The following SMARCAL1 variants were observed in gnomAD, a reference collection of about 807,000 sequenced individuals.
SMARCAL1 encodes the protein SNF2 related chromatin remodeling annealing helicase 1, also known as ATP-driven annealing helicase.
A neutral mutation model predicts 94.5 loss-of-function variants in SMARCAL1; 58 were observed. That is an observed-to-expected ratio of 0.61 (90% CI 0.50 to 0.76). SMARCAL1 has a LOEUF of 0.76. SMARCAL1 is among the 30% of genes least tolerant of loss of function. The pLI, the probability that SMARCAL1 is intolerant of heterozygous loss-of-function variation, is 0.00. For missense variants in SMARCAL1, 1,051 were observed against 1,177.9 expected (o/e 0.89, Z 1.58); for synonymous variants, 422 against 455.1 (o/e 0.93, Z 0.93).
chr2:216,447,586 G>A (rs150338341), intron 11 of SMARCAL1, among the ~76,000 whole-genome samples: 7 of 152,100 alleles, frequency 4.6e-5, no homozygotes, highest in Middle Eastern at 3.4e-3. Context: ...GCCCCAGGCA[G>A]AGGGAAGAAG....
intron 6 of SMARCAL1, among the ~76,000 whole-genome samples, chr2:216,426,805 C>G (rs921705304): frequency 7.9e-5 from 12 of 152,162 alleles, no homozygotes; most frequent in African/African-American, 2.9e-4. Flanking sequence ...GGGGAATGCG[C>G]ACCTCCTTCC....
chr2:216,423,263 A>G (rs904689884), intron 5 of SMARCAL1, among the ~76,000 whole-genome samples: 8 of 152,166 alleles, frequency 5.3e-5, no homozygotes, highest in Non-Finnish European at 8.8e-5. Flanking sequence ...GGTGCCACTG[A>G]GTGTTGGCAC....
chr2:216,433,618 G>C (rs1401256553), intron 8 of SMARCAL1, among the ~76,000 whole-genome samples: 2 of 152,132 alleles, frequency 1.3e-5, no homozygotes, highest in East Asian at 3.9e-4. Flanking sequence ...GATGTTCACT[G>C]TCTGCCAGGT....
At chr2:216,458,755 C>G (rs969176354) in intron 12 of SMARCAL1, among the ~76,000 whole-genome samples, 3 of 152,158 alleles carry the variant, frequency 2.0e-5, no homozygotes, top group African/African-American at 4.8e-5. Context: ...TGGAAGCATT[C>G]CCTTTGAAAA....
At chr2:216,433,941 A>C (rs1312179413) in intron 8 of SMARCAL1, among the ~76,000 whole-genome samples, 3 of 150,984 alleles carry the variant, frequency 2.0e-5, no homozygotes, top group Non-Finnish European at 3.0e-5. Flanking sequence ...AAAACACTAA[A>C]AAATGTGCAC....
At chr2:216,428,506 G>A (rs1247751470) in intron 6 of SMARCAL1, 90 bp from the exon 7 acceptor site, 1 of 1,313,452 alleles carries the variant, frequency 7.6e-7, no homozygotes, top group Non-Finnish European at 1.1e-6. Flanking sequence ...AGCATCACTG[G>A]AAGGAAATAT....
chr2:216,480,264 A>G (rs1226743490), intron 17 of SMARCAL1, among the ~76,000 whole-genome samples: 1 of 152,188 alleles, frequency 6.6e-6, no homozygotes, highest in Non-Finnish European at 1.5e-5. Flanking sequence ...CAACTACTAG[A>G]AAAAGAAAAT....
intron 10 of SMARCAL1, among the ~76,000 whole-genome samples, chr2:216,442,604 C>T (rs114627585): frequency 0.013 from 1,943 of 152,220 alleles, 21 homozygotes; most frequent in Non-Finnish European, 0.019. Context: ...TGTTTCCTTT[C>T]TGCCTCCTTA....
At chr2:216,440,779 TCTGTTGTTGGGGGG>T (rs1302460480) in intron 10 of SMARCAL1, among the ~76,000 whole-genome samples, 1 of 152,174 alleles carries the variant, frequency 6.6e-6, no homozygotes, top group African/African-American at 2.4e-5. Flanking sequence ...GCTGGATGAC[TCTGTTGTTGGGGGG>T]CTGTTGTGTG....
chr2:216,447,669 CA>C (rs11285787), intron 11 of SMARCAL1, among the ~76,000 whole-genome samples: 108,640 of 148,080 alleles, frequency 0.73, 40,205 homozygotes, highest in African/African-American at 0.88. Flanking sequence ...CCTCCCTGTG[CA>C]AAAAAAAAAG....
chr2:216,416,806 A>G (rs995295186), intron 4 of SMARCAL1, among the ~76,000 whole-genome samples: 7 of 152,222 alleles, frequency 4.6e-5, no homozygotes, highest in Non-Finnish European at 8.8e-5. Context: ...ACAGATCCTC[A>G]GAGTACTCTC....
At chr2:216,448,498 C>G (rs769985918) in intron 11 of SMARCAL1, among the ~76,000 whole-genome samples, 4 of 152,176 alleles carry the variant, frequency 2.6e-5, no homozygotes, top group Non-Finnish European at 5.9e-5. Context: ...TTTCTCCTGC[C>G]AGAAACTAAG....
intron 10 of SMARCAL1, chr2:216,446,524 C>G: frequency 2.8e-6 from 1 of 362,738 alleles, no homozygotes; most frequent in Middle Eastern, 3.8e-4. Flanking sequence ...CTGAGTTCAA[C>G]TTGCATGTCA....
At chr2:216,460,574 A>T (rs1159448826) in intron 12 of SMARCAL1, among the ~76,000 whole-genome samples, 3 of 147,820 alleles carry the variant, frequency 2.0e-5, no homozygotes, top group African/African-American at 7.3e-5. Flanking sequence ...TTCTCAGCAA[A>T]CTATCGCAAG....
At chr2:216,481,371 T>C (rs566343631) in intron 17 of SMARCAL1, among the ~76,000 whole-genome samples, 1 of 152,174 alleles carries the variant, frequency 6.6e-6, no homozygotes, top group East Asian at 1.9e-4. Context: ...ATTTTCTGTA[T>C]TTTTGATAGA....
At chr2:216,481,668 T>C (rs1695203924) in intron 17 of SMARCAL1, among the ~76,000 whole-genome samples, 1 of 151,488 alleles carries the variant, frequency 6.6e-6, no homozygotes. Context: ...CATGTCTGGC[T>C]AATTTTTTGT....
At chr2:216,460,086 T>C (rs1160563113) in intron 12 of SMARCAL1, among the ~76,000 whole-genome samples, 1 of 152,046 alleles carries the variant, frequency 6.6e-6, no homozygotes, top group Non-Finnish European at 1.5e-5. Flanking sequence ...CATGAAAAAA[T>C]GCTCATCATC....
At chr2:216,431,340 C>T (rs188786925) in intron 7 of SMARCAL1, among the ~76,000 whole-genome samples, 125 of 152,322 alleles carry the variant, frequency 8.2e-4, no homozygotes, top group South Asian at 1.2e-3. Context: ...GGCTTATTAT[C>T]AGGATTCTGA....
intron 10 of SMARCAL1, among the ~76,000 whole-genome samples, chr2:216,446,174 C>T (rs1694311555): frequency 6.6e-6 from 1 of 151,744 alleles, no homozygotes; most frequent in Non-Finnish European, 1.5e-5. Flanking sequence ...ATCTTTGGGT[C>T]TGATGCCCAT....
Sources: gnomAD v4.1 joint callset for allele counts (sites outside exome capture counted in the v4.1 genomes callset) on GRCh38, gnomAD v4.1.1 for gene constraint, MANE v1.5 for transcripts, NCBI Gene and HGNC (gene_info 2026-07-23, HGNC 2026-07-21) for gene names.